Variants in VSNL1 observed in about 807,000 individuals in gnomAD.
VSNL1 encodes visinin like 1, also known as visinin-like protein 1.
A neutral mutation model predicts 20.4 loss-of-function variants in VSNL1; 6 were observed. That is an observed-to-expected ratio of 0.29 (90% CI 0.16 to 0.58). The LOEUF (loss-of-function observed/expected upper bound fraction) is 0.58. Ranked by LOEUF, VSNL1 falls within the 20% of genes least tolerant of loss-of-function variation. VSNL1 has a pLI of 0.90. For synonymous variants in VSNL1, 93 were observed against 86.4 expected (o/e 1.08, Z -0.42); for missense variants, 100 against 234.5 (o/e 0.43, Z 3.75).
rs771338318 is a variant in VSNL1, at chr2:17,649,379, G to A, written c.163-31G>A. The stretch of plus-strand genomic sequence containing the variant: ...CGTCGCCCCGATTCCATCCCCTCCC[G>A]ACACCTGACTGCGCGTGTTCTCCTT... On this transcript the variant is annotated intron_variant, in intron 2 of 3. Transcript: ENST00000295156. This position sits in a 1 kb window ranked among gnomAD's most constrained non-coding sequence, Gnocchi z 6.4. 11 of 1,610,148 alleles carry A rather than the reference G, an allele frequency of 6.8e-6. No individual in the cohort carries two copies. Among genetic ancestry groups the A allele is most frequent in the African/African-American group, 2.7e-5 (2 of 74,802 alleles).
chr2:17,560,862 A>G (rs1388647594), intron 1 of VSNL1, among the ~76,000 whole-genome samples: 1 of 152,212 alleles, frequency 6.6e-6, no homozygotes, highest in African/African-American at 2.4e-5. Flanking sequence ...TGCCTGGTCC[A>G]TAACTGAGAT....
intron 2 of VSNL1, among the ~76,000 whole-genome samples, chr2:17,642,078 C>T (rs1572218473): frequency 6.6e-6 from 1 of 152,182 alleles, no homozygotes; most frequent in East Asian, 1.9e-4. Context: ...ACGAAAGTCC[C>T]AAGAGACAAG....
intron 1 of VSNL1, among the ~76,000 whole-genome samples, chr2:17,584,070 G>A (rs1407851260): frequency 6.6e-6 from 1 of 152,122 alleles, no homozygotes; most frequent in Non-Finnish European, 1.5e-5. Flanking sequence ...TTGAAAAATG[G>A]GGAGATTGGG....
At chr2:17,582,691 G>T (rs997092086) in intron 1 of VSNL1, among the ~76,000 whole-genome samples, 1 of 151,990 alleles carries the variant, frequency 6.6e-6, no homozygotes, top group African/African-American at 2.4e-5. Flanking sequence ...AAGAATAAAA[G>T]GATGTTTTAG....
chr2:17,620,890 C>G (rs1043815588), intron 2 of VSNL1, among the ~76,000 whole-genome samples: 4 of 152,158 alleles, frequency 2.6e-5, no homozygotes, highest in African/African-American at 9.7e-5. Context: ...CTGGGGAGGG[C>G]TAATTTGAAT....
At chr2:17,606,195 A>G (rs938110410) in intron 2 of VSNL1, among the ~76,000 whole-genome samples, 1 of 152,152 alleles carries the variant, frequency 6.6e-6, no homozygotes, top group Admixed American at 6.5e-5. Flanking sequence ...CCCCACTAAT[A>G]AGAGTGGTTT....
At chr2:17,564,006 C>T (rs902327601) in intron 1 of VSNL1, among the ~76,000 whole-genome samples, 4 of 151,982 alleles carry the variant, frequency 2.6e-5, no homozygotes, top group African/African-American at 9.7e-5. Flanking sequence ...AGAGTCACAC[C>T]TTTCTTTGTC....
At chr2:17,607,341 AT>A (rs780281733) in intron 2 of VSNL1, among the ~76,000 whole-genome samples, 6 of 152,138 alleles carry the variant, frequency 3.9e-5, no homozygotes, top group South Asian at 2.1e-4. Context: ...GAAATGAAAC[AT>A]TTTTTTTGTC....
At chr2:17,550,482 A>G (rs1308829057) in intron 1 of VSNL1, among the ~76,000 whole-genome samples, 2 of 152,194 alleles carry the variant, frequency 1.3e-5, no homozygotes, top group African/African-American at 2.4e-5. Flanking sequence ...CTTGGCTTCC[A>G]AAGAGACCCT....
At chr2:17,542,804 A>T (rs1486769234) in intron 1 of VSNL1, among the ~76,000 whole-genome samples, 2 of 152,158 alleles carry the variant, frequency 1.3e-5, no homozygotes, top group Non-Finnish European at 2.9e-5. Context: ...TTGGTCTTGG[A>T]GTCCCTGGCT....
At chr2:17,618,548 T>A (rs535880841) in intron 2 of VSNL1, among the ~76,000 whole-genome samples, 1 of 152,352 alleles carries the variant, frequency 6.6e-6, no homozygotes, top group African/African-American at 2.4e-5. Flanking sequence ...TTTTGCCATG[T>A]AAGGTAACAT....
chr2:17,542,496 A>C (rs550204132), intron 1 of VSNL1, among the ~76,000 whole-genome samples: 1 of 152,336 alleles, frequency 6.6e-6, no homozygotes, highest in South Asian at 2.1e-4. Flanking sequence ...GATCAGTCCA[A>C]CCATTTGGAA....
chr2:17,623,851 A>G (rs1406109371), intron 2 of VSNL1, among the ~76,000 whole-genome samples: 1 of 152,198 alleles, frequency 6.6e-6, no homozygotes, highest in Non-Finnish European at 1.5e-5. Context: ...AGATAAATTA[A>G]AGAATTAATA....
At chr2:17,552,302 A>G (rs1230413413) in intron 1 of VSNL1, among the ~76,000 whole-genome samples, 2 of 152,254 alleles carry the variant, frequency 1.3e-5, no homozygotes, top group Middle Eastern at 3.4e-3. Context: ...AAGTGTCTGC[A>G]AGGTTAGCTT....
At chr2:17,622,601 A>AAAGAAAGAAAGAAAGAAAGG (rs1349807130) in intron 2 of VSNL1, among the ~76,000 whole-genome samples, 10 of 126,612 alleles carry the variant, frequency 7.9e-5, no homozygotes, top group African/African-American at 2.7e-4. Context: ...AGAAAGAAAG[A>AAAGAAAGAAAGAAAGAAAGG]AAAGAAAGAA....
intron 1 of VSNL1, among the ~76,000 whole-genome samples, chr2:17,576,975 G>A (rs961222050): frequency 1.3e-5 from 2 of 152,172 alleles, no homozygotes; most frequent in African/African-American, 4.8e-5. Context: ...ATGTATCATT[G>A]TGCAAACATC....
chr2:17,572,232 TA>T (rs1305414980), intron 1 of VSNL1, among the ~76,000 whole-genome samples: 1 of 152,188 alleles, frequency 6.6e-6, no homozygotes, highest in Non-Finnish European at 1.5e-5. Context: ...AGCAGATGAA[TA>T]AAAACTTTAG....
At chr2:17,545,839 CT>C (rs1250099439) in intron 1 of VSNL1, among the ~76,000 whole-genome samples, 18 of 152,240 alleles carry the variant, frequency 1.2e-4, no homozygotes, top group African/African-American at 4.1e-4. Context: ...TTCTATACCC[CT>C]ATCAGCTAAC....
In VSNL1 at chr2:17,564,162, T is replaced by G. The variant is rs151109496; in HGVS notation, c.-6+23244T>G. Among the ~76,000 whole-genome samples the G allele has an allele frequency of 3.2e-4, 48 of 152,294 alleles. No homozygotes were observed. In the East Asian group the frequency reaches 8.3e-3, roughly 26 times the overall value. On this transcript the variant is annotated intron_variant, in intron 1 of 3. Transcript: ENST00000295156. Reference sequence around the variant, plus strand: ...TTCTTTTATTTGTTCTGGCCTAAATTTCTTTTTTTCACCCCCATTTTTTTC... The same window carrying G: ...TTCTTTTATTTGTTCTGGCCTAAATGTCTTTTTTTCACCCCCATTTTTTTC...
Sources: allele counts gnomAD v4.1 joint callset (sites outside exome capture counted in the v4.1 genomes callset), GRCh38; gene constraint gnomAD v4.1.1; non-coding constraint Gnocchi (gnomAD v3.1); transcripts MANE v1.5; gene names NCBI Gene and HGNC (gene_info 2026-07-23, HGNC 2026-07-21).